Variants in RS1 observed in about 807,000 individuals in gnomAD.
RS1 encodes retinoschisin.
A neutral mutation model predicts 20.8 loss-of-function variants in RS1; 2 were observed. The ratio of observed to expected loss-of-function variants is 0.10; its 90% CI spans 0.04 to 0.30. The LOEUF (loss-of-function observed/expected upper bound fraction) is 0.30. Ranked by LOEUF, RS1 falls within the 10% of genes least tolerant of loss-of-function variation. RS1 has a pLI of 1.00. For synonymous variants in RS1, 70 were observed against 75.8 expected (o/e 0.92, Z 0.40); for missense variants, 151 against 189.8 (o/e 0.80, Z 1.20).
chrX:18,660,104 T>A (rs1363823198), intron 1 of RS1, among the ~76,000 whole-genome samples: 1 of 111,601 alleles, frequency 9.0e-6, no homozygotes, highest in Non-Finnish European at 1.9e-5. Flanking sequence ...CTCTGAAAGC[T>A]CCTGTGCCAT....
At chrX:18,665,592 G>A (rs951723797) in intron 1 of RS1, among the ~76,000 whole-genome samples, 9 of 110,828 alleles carry the variant, frequency 8.1e-5, no homozygotes, top group Non-Finnish European at 5.7e-5. Context: ...TTTCCTGGCC[G>A]GACGCAGTGG....
chrX:18,646,092 TAG>T (rs762876344), intron 4 of RS1: 5 of 1,211,749 alleles, frequency 4.1e-6, no homozygotes, highest in Non-Finnish European at 5.6e-6. Flanking sequence ...AACAACAAGG[TAG>T]AGTCTGGGCC....
rs41309707 is a variant in RS1 at position 18,644,364 on chromosome X, T to G, written c.522+66A>C. 0.018 allele frequency: 18,462 copies of G among 1,039,804 alleles called. 1,043 individuals carry two copies. In the African/African-American group the frequency reaches 0.22, roughly 12 times the overall value. The allele number at this position is 1,039,804 out of a possible 1,213,427, so 85.7% of individuals were successfully genotyped here. A position where few individuals can be genotyped will look rare whatever the true frequency, so the allele number is the denominator to read the frequency against. ...TCTGACAGAGGGCAGTGACAGGAGC[T>G]CGGGGACAGGAGGGGAAGTCCCAGA... On this transcript the variant is annotated intron_variant, in intron 5 of 5. Coordinates refer to ENST00000379984, the MANE Select transcript of RS1 (RefSeq NM_000330.4).
intron 1 of RS1, among the ~76,000 whole-genome samples, chrX:18,659,985 T>G (rs1156661605): frequency 8.9e-6 from 1 of 111,834 alleles, no homozygotes; most frequent in African/African-American, 3.3e-5. Context: ...GGCCTTGTTA[T>G]GCTTTTCTCA....
rs758535951 is a variant in RS1, at chrX:18,667,316, G to A, written c.52+4701C>T. Among the ~76,000 whole-genome samples the A allele has an allele frequency of 1.3e-3, 142 of 111,092 alleles. 1 individual carries two copies. The highest frequency in any genetic ancestry group is 1.5e-3 in the Non-Finnish European group (82 of 52,987). Reference sequence around the variant, plus strand: ...TCCCAGCACTTTGGGAGACCGAGGCGGGCAAACCACTTGAGGTCAGGAGTT... The same window carrying A: ...TCCCAGCACTTTGGGAGACCGAGGCAGGCAAACCACTTGAGGTCAGGAGTT... On this transcript the variant is annotated intron_variant, in intron 1 of 5. Transcript: ENST00000379984.
chrX:18,653,706 C>T (rs757334466), intron 3 of RS1: 14 of 714,949 alleles, frequency 2.0e-5, no homozygotes, highest in South Asian at 1.0e-4. Flanking sequence ...CAGTGGCTCA[C>T]GCCTGTAATC....
chrX:18,645,657 A>C (rs781589263), intron 4 of RS1, among the ~76,000 whole-genome samples: 133 of 110,643 alleles, frequency 1.2e-3, no homozygotes, highest in African/African-American at 4.2e-3. Flanking sequence ...CCACACCTCA[A>C]CTACTCTCCC....
At chrX:18,653,623 C>T (rs767340396) in intron 3 of RS1, 1 of 1,109,293 alleles carries the variant, frequency 9.0e-7, no homozygotes, top group East Asian at 3.2e-5. Flanking sequence ...AATGAATCAA[C>T]CATTAACGCT....
intron 1 of RS1, among the ~76,000 whole-genome samples, chrX:18,662,928 C>T (rs1928339484): frequency 9.1e-6 from 1 of 109,970 alleles, no homozygotes; most frequent in African/African-American, 3.3e-5. Flanking sequence ...CACCCGACCT[C>T]ATCCTTTTTA....
At chrX:18,650,710 C>T in intron 3 of RS1, 1 of 864,209 alleles carries the variant, frequency 1.2e-6, no homozygotes, top group Non-Finnish European at 1.7e-6. Context: ...CATCATTGGC[C>T]TGGGCATGGG....
At chrX:18,663,880 C>T (rs1251848125) in intron 1 of RS1, among the ~76,000 whole-genome samples, 3 of 112,034 alleles carry the variant, frequency 2.7e-5, no homozygotes, top group Non-Finnish European at 5.6e-5. Flanking sequence ...CCGTAGATGT[C>T]TCTTGCTAGC....
chrX:18,649,442 G>C (rs1927935185), intron 3 of RS1, among the ~76,000 whole-genome samples: 2 of 111,699 alleles, frequency 1.8e-5, no homozygotes. Context: ...CAGTAAAGTT[G>C]AATGAAACAT....
At chrX:18,666,304 C>T (rs2147207235) in intron 1 of RS1, among the ~76,000 whole-genome samples, 1 of 111,786 alleles carries the variant, frequency 8.9e-6, no homozygotes, top group African/African-American at 3.3e-5. Flanking sequence ...GAAGCCCTCA[C>T]TGAGAAGGTG....
At position 18,669,504 on chromosome X, in the gene RS1, A is replaced by AAAAAAAAAAAAAAG. The variant is rs1569235240; in HGVS notation, c.52+2512_52+2513insCTTTTTTTTTTTTT. The stretch of plus-strand genomic sequence containing the variant: ...GAAATTCTCAAAAAAAAAAAAAAAA[A>AAAAAAAAAAAAAAG]GACATAGGAAATGCCTTACTGTGAG... On this transcript the variant is annotated intron_variant, in intron 1 of 5. Coordinates refer to ENST00000379984, the MANE Select transcript of RS1 (RefSeq NM_000330.4). Among the ~76,000 whole-genome samples, 5 of 107,355 alleles carry AAAAAAAAAAAAAAG rather than the reference A, an allele frequency of 4.7e-5. No individual in the cohort carries two copies. In the East Asian group the frequency reaches 1.2e-3, roughly 26 times the overall value. The allele number at this position is 107,355 out of a possible 115,157, so 93.2% of individuals were successfully genotyped here.
rs1424650606 is a variant in RS1, at chrX:18,661,730, G to A, written c.53-4065C>T. Among the ~76,000 whole-genome samples, 4 of 111,873 alleles carry A rather than the reference G, an allele frequency of 3.6e-5. No individual in the cohort carries two copies. In the Admixed American group the frequency reaches 3.8e-4, roughly 11 times the overall value. ...TGGCCAAACTCCACCTCGTTCCGCCGGTTGATGGCCTGGGGCTGCCGGCGT... is the reference window on the plus strand; with the variant it reads ...TGGCCAAACTCCACCTCGTTCCGCCAGTTGATGGCCTGGGGCTGCCGGCGT... On this transcript the variant is annotated intron_variant, in intron 1 of 5. Transcript: ENST00000379984.
intron 1 of RS1, among the ~76,000 whole-genome samples, chrX:18,668,022 A>G (rs986373209): frequency 7.1e-5 from 8 of 112,338 alleles, no homozygotes; most frequent in Non-Finnish European, 5.6e-5. Flanking sequence ...TTGTAATGGC[A>G]AAAACCGCAG....
chrX:18,659,399 C>T (rs528877672), intron 1 of RS1, among the ~76,000 whole-genome samples: 7 of 110,756 alleles, frequency 6.3e-5, no homozygotes, highest in African/African-American at 2.3e-4. Flanking sequence ...ACTTGAAACC[C>T]GGGTTGCAGT....
rs1928064535 is a variant in RS1 at position 18,651,894 on chromosome X, G to A, written c.185-4562C>T. ...GTGGGCCTGGTTGAGCTCTTTTCAG[G>A]TCCACATGTGGCCTGCAGCCCTTCC... On this transcript the variant is annotated intron_variant, in intron 3 of 5. Coordinates refer to ENST00000379984, the MANE Select transcript of RS1 (RefSeq NM_000330.4). Among the ~76,000 whole-genome samples the A allele has an allele frequency of 2.7e-5, 3 of 110,229 alleles. No homozygotes were observed. In the Admixed American group the frequency reaches 2.9e-4, roughly 11 times the overall value.
rs61752152 is a variant in RS1, at chrX:18,644,548, C to G, written c.404G>C (p.Gly135Ala). Reference protein sequence around the residue: ...IDLKEIKVISGILTQGRCDID... With the variant: ...IDLKEIKVISAILTQGRCDID... Reference sequence around the variant, plus strand: ...GTCACAGCGCCCCTGGGTGAGGATCCCTGAAATCACTTTGATCTCCTTCAG... The same window carrying G: ...GTCACAGCGCCCCTGGGTGAGGATCGCTGAAATCACTTTGATCTCCTTCAG... The change falls in exon 5 of 6, where the codon GGG (glycine) becomes GCG (alanine). Residue 135 changes from glycine to alanine, a missense_variant. Transcript: ENST00000379984. 5 of 1,211,444 alleles carry G rather than the reference C, an allele frequency of 4.1e-6. No individual in the cohort carries two copies. The South Asian group carries it at 8.8e-5, about 21-fold the overall frequency.
Sources: allele counts gnomAD v4.1 joint callset (sites outside exome capture counted in the v4.1 genomes callset), GRCh38; gene constraint gnomAD v4.1.1; transcripts MANE v1.5; gene names NCBI Gene and HGNC (gene_info 2026-07-23, HGNC 2026-07-21).